MYO1E: variants seen among roughly 807,000 people sequenced by gnomAD.
MYO1E encodes the protein unconventional myosin-Ie.
A neutral mutation model predicts 151.1 loss-of-function variants in MYO1E; 68 were observed. The ratio of observed to expected loss-of-function variants is 0.45; its 90% CI spans 0.37 to 0.55. The LOEUF is 0.55. Among genes scored for constraint, MYO1E ranks in the 20% least tolerant of loss-of-function variants. The pLI, the probability that MYO1E is intolerant of heterozygous loss-of-function variation, is 0.00. For missense variants in MYO1E, 1,363 were observed against 1,389.3 expected (o/e 0.98, Z 0.30); for synonymous variants, 601 against 501.7 (o/e 1.20, Z -2.64).
chr15:59,208,209 T>A (rs1400740782), intron 14 of MYO1E: 6 of 884,410 alleles, frequency 6.8e-6, no homozygotes, highest in Non-Finnish European at 1.0e-5. Context: ...AGAGTGATTT[T>A]CCTATTTATT....
intron 12 of MYO1E, among the ~76,000 whole-genome samples, chr15:59,211,942 A>G (rs969651211): frequency 4.0e-5 from 6 of 151,354 alleles, no homozygotes; most frequent in African/African-American, 1.5e-4. Context: ...GACTCATCCC[A>G]CTCTATAAGT....
At chr15:59,274,247 C>G (rs990062801) in intron 1 of MYO1E, among the ~76,000 whole-genome samples, 3 of 152,176 alleles carry the variant, frequency 2.0e-5, no homozygotes, top group Non-Finnish European at 4.4e-5. Context: ...AGGAAACTCT[C>G]TATATCTGGC....
intron 26 of MYO1E, among the ~76,000 whole-genome samples, chr15:59,145,864 G>C (rs530418851): frequency 6.6e-6 from 1 of 152,294 alleles, no homozygotes; most frequent in South Asian, 2.1e-4. Context: ...ATGGAAACTG[G>C]TAAATGTTAC....
chr15:59,140,035 A>G (rs1354631903), intron 26 of MYO1E, among the ~76,000 whole-genome samples: 3 of 151,782 alleles, frequency 2.0e-5, no homozygotes, highest in Admixed American at 6.6e-5. Flanking sequence ...CAACATCTGC[A>G]CTACTGACAT....
At chr15:59,254,956 T>G (rs1186403915) in intron 4 of MYO1E, among the ~76,000 whole-genome samples, 1 of 151,942 alleles carries the variant, frequency 6.6e-6, no homozygotes, top group Non-Finnish European at 1.5e-5. Flanking sequence ...CTCCTGAGTA[T>G]CTGGGACTAC....
intron 1 of MYO1E, among the ~76,000 whole-genome samples, chr15:59,288,680 TAATAGGAGGGACAGG>T (rs1278002914): frequency 1.3e-5 from 2 of 152,146 alleles, no homozygotes; most frequent in East Asian, 3.8e-4. Flanking sequence ...GCTAATAAGA[TAATAGGAGGGACAGG>T]ATTCAAATAA....
intron 10 of MYO1E, among the ~76,000 whole-genome samples, chr15:59,217,638 C>T (rs1253409220): frequency 5.0e-5 from 7 of 140,782 alleles, no homozygotes; most frequent in Non-Finnish European, 1.5e-5. Flanking sequence ...TGATCTTAAC[C>T]ACCTCAGCCT....
At chr15:59,153,832 T>C in intron 25 of MYO1E, 41 bp from the exon 26 acceptor site, 1 of 1,572,118 alleles carries the variant, frequency 6.4e-7, no homozygotes, top group South Asian at 1.1e-5. Flanking sequence ...CTCAGATTTT[T>C]GGATCCTTTG....
intron 19 of MYO1E, among the ~76,000 whole-genome samples, chr15:59,175,183 C>T (rs1175982388): frequency 6.6e-6 from 1 of 152,190 alleles, no homozygotes; most frequent in Non-Finnish European, 1.5e-5. Flanking sequence ...CTGCCAGGCT[C>T]CTCCTCATTT....
chr15:59,242,521 G>T lies in MYO1E; in HGVS notation c.333-5849C>A, dbSNP rs766436534. Among the ~76,000 whole-genome samples the T allele has an allele frequency of 3.3e-5, 5 of 152,306 alleles. No individual in the cohort carries two copies. The Middle Eastern group carries it at 0.014, about 420-fold the overall frequency. ...AGTAAACGAGTCAATCAGTAAATAG[G>T]AGAGAAAGGAAAGCTCTTCCTCACA... On this transcript the variant is annotated intron_variant, in intron 4 of 27. Transcript: ENST00000288235.
intron 14 of MYO1E, 132 bp downstream of exon 14, chr15:59,208,549 C>G: frequency 8.6e-7 from 1 of 1,161,684 alleles, no homozygotes; most frequent in East Asian, 2.4e-5. Flanking sequence ...GTTTTGCTTC[C>G]TTTGATAGTT....
Position 59,207,058 on chromosome 15 carries a change from G to A in MYO1E, c.1531-1573C>T, listed in dbSNP as rs754864850. ...TCAAGCAACGCGCATCCCGCTCAAC[G>A]GCACCTGGCTCTTCACCCCCGTGAG... On this transcript the variant is annotated intron_variant, in intron 14 of 27. Transcript: ENST00000288235. The A allele has an allele frequency of 1.8e-5, 29 of 1,614,172 alleles. No homozygotes were observed. In the South Asian group the frequency reaches 2.6e-4, roughly 15 times the overall value.
chr15:59,305,852 T>C (rs1245163860), intron 1 of MYO1E, among the ~76,000 whole-genome samples: 2 of 152,134 alleles, frequency 1.3e-5, no homozygotes, highest in African/African-American at 2.4e-5. Flanking sequence ...TTCTAGGACA[T>C]TCAAAATTAG....
At chr15:59,224,854 A>T (rs1325790408) in intron 7 of MYO1E, 31 bp from the exon 8 acceptor site, 1 of 1,614,038 alleles carries the variant, frequency 6.2e-7, no homozygotes, top group East Asian at 2.2e-5. Flanking sequence ...TTGAGCCATG[A>T]TGTGGACCAC....
intron 1 of MYO1E, among the ~76,000 whole-genome samples, chr15:59,324,014 G>C (rs2080646144): frequency 6.6e-6 from 1 of 152,032 alleles, no homozygotes; most frequent in South Asian, 2.1e-4. Context: ...CCTCGAGAGA[G>C]CTGAGATTCA....
chr15:59,205,597 C>A, intron 14 of MYO1E, 112 bp from the exon 15 acceptor site: 1 of 929,412 alleles, frequency 1.1e-6, no homozygotes, highest in South Asian at 1.4e-5. Flanking sequence ...CCAAAGCTGT[C>A]ATGGCTACCC....
intron 1 of MYO1E, among the ~76,000 whole-genome samples, chr15:59,358,318 C>G (rs1169271689): frequency 6.6e-6 from 1 of 152,112 alleles, no homozygotes; most frequent in East Asian, 1.9e-4. Context: ...ACTGGCCTTA[C>G]TTATGTTTCC....
At position 59,259,908 on chromosome 15, in the gene MYO1E, AT is replaced by A. The variant is rs1303115841; in HGVS notation, c.237+1511del. Among the ~76,000 whole-genome samples the A allele has an allele frequency of 6.5e-3, 997 of 152,238 alleles. 16 individuals carry two copies. The highest frequency in any genetic ancestry group is 0.023 in the African/African-American group (942 of 41,544). On this transcript the variant is annotated intron_variant, in intron 3 of 27. Transcript: ENST00000288235. Reference sequence around the variant, plus strand: ...ATCACTCAGTAGATTTTAGTACTTCATCTCTCTGAGCCTCAGTTTCCTCATC... The same window carrying A: ...ATCACTCAGTAGATTTTAGTACTTCACTCTCTGAGCCTCAGTTTCCTCATC...
rs12437573 is a variant in MYO1E at position 59,207,045 on chromosome 15, C to A, written c.1531-1560G>T. The A allele has an allele frequency of 2.8e-3, 4,590 of 1,614,248 alleles. 133 individuals are homozygous for A. The East Asian group carries it at 0.059, about 21-fold the overall frequency. ...CCCTGTGTCCGCGTCAAGCAACGCG[C>A]ATCCCGCTCAACGGCACCTGGCTCT... On this transcript the variant is annotated intron_variant, in intron 14 of 27. Transcript: ENST00000288235.
Sources: gnomAD v4.1 joint callset for allele counts (sites outside exome capture counted in the v4.1 genomes callset) on GRCh38, gnomAD v4.1.1 for gene constraint, MANE v1.5 for transcripts, NCBI Gene and HGNC (gene_info 2026-07-23, HGNC 2026-07-21) for gene names.